LEKR1: variants seen among roughly 807,000 people sequenced by gnomAD.
LEKR1 encodes protein LEKR1.
LEKR1 carries 59 observed loss-of-function variants against 72.4 expected under a neutral mutation model. The observed-to-expected ratio is 0.82, with a 90% confidence interval of 0.66 to 1.01. LEKR1 has a LOEUF of 1.01. Ranked by LOEUF, LEKR1 falls within the 50% of genes least tolerant of loss-of-function variation. The pLI, the probability that LEKR1 is intolerant of heterozygous loss-of-function variation, is 0.00. For missense variants in LEKR1, 728 were observed against 759.2 expected (o/e 0.96, Z 0.48); for synonymous variants, 257 against 263.2 (o/e 0.98, Z 0.23).
At chr3:156,835,863 CTTTTTTTTTTTTTT>C (rs59061418) in intron 2 of LEKR1, among the ~76,000 whole-genome samples, 5 of 55,534 alleles carry the variant, frequency 9.0e-5, no homozygotes, top group Non-Finnish European at 1.6e-4. Flanking sequence ...CTCTGTCTCA[CTTTTTTTTTTTTTT>C]TTTTTTTTTT....
intron 3 of LEKR1, among the ~76,000 whole-genome samples, chr3:156,920,348 T>C (rs567378633): frequency 1.2e-4 from 19 of 152,294 alleles, no homozygotes; most frequent in African/African-American, 4.6e-4. Context: ...CTGCCTCTCT[T>C]CAATATTCTT....
rs759218320 is a variant in LEKR1, at chr3:157,028,136, C to T, written c.1402C>T (p.Leu468=). Residue 468 remains leucine (L), a synonymous_variant, in exon 12 of 13, where the codon CTA becomes TTA. Coordinates refer to ENST00000356539, the MANE Select transcript of LEKR1 (RefSeq NM_001004316.3). ...CTTAATCACAGGCGCTACAAGAGAT[C>T]TAAGGCAGGAAGTGACCACTCTTAA... ...SDLITGATRD[L]RQEVTTLKEK... is the part of the protein sequence containing the mutation. 5.6e-6 allele frequency: 9 copies of T among 1,602,242 alleles called. No homozygotes were observed. Among genetic ancestry groups the T allele is most frequent in the South Asian group, 4.5e-5 (4 of 88,856 alleles).
intron 3 of LEKR1, among the ~76,000 whole-genome samples, chr3:156,855,263 G>T (rs562582532): frequency 6.6e-6 from 1 of 152,192 alleles, no homozygotes; most frequent in African/African-American, 2.4e-5. Context: ...ACTTACATTT[G>T]GCCAATAGTT....
At chr3:157,004,468 A>C (rs1732259202) in intron 9 of LEKR1, among the ~76,000 whole-genome samples, 1 of 152,168 alleles carries the variant, frequency 6.6e-6, no homozygotes, top group Non-Finnish European at 1.5e-5. Context: ...GTAATCAATT[A>C]ACATAATTGA....
chr3:156,982,304 C>A (rs1412438478), intron 7 of LEKR1, among the ~76,000 whole-genome samples: 1 of 152,144 alleles, frequency 6.6e-6, no homozygotes, highest in Non-Finnish European at 1.5e-5. Context: ...TAAGTCAGGT[C>A]CCTATAATCG....
In LEKR1 at chr3:156,829,286, A is replaced by G. The variant is rs762836525; in HGVS notation, c.-44A>G. On this transcript the variant is annotated splice_region_variant and 5_prime_UTR_variant, in exon 2 of 13. Transcript: ENST00000356539. ...TGACTGTTGCCATCAATGTTCTTAG[A>G]TTTCCTTTGGCTTCAAAGCTCTCTC... is the stretch of plus-strand genomic sequence containing the variant. The G allele has an allele frequency of 3.3e-5, 41 of 1,253,134 alleles. No homozygotes were observed. Among genetic ancestry groups the G allele is most frequent in the Non-Finnish European group, 4.6e-5 (41 of 892,164 alleles). The allele number at this position is 1,253,134 out of a possible 1,614,324, so 77.6% of individuals were successfully genotyped here. A position where few individuals can be genotyped will look rare whatever the true frequency, so the allele number is the denominator to read the frequency against.
At chr3:156,837,449 C>A (rs924458534) in intron 2 of LEKR1, among the ~76,000 whole-genome samples, 1 of 152,160 alleles carries the variant, frequency 6.6e-6, no homozygotes, top group Admixed American at 6.5e-5. Context: ...GAGTCAAGCT[C>A]CCAAGGACGT....
intron 4 of LEKR1, among the ~76,000 whole-genome samples, 179 bp from the exon 5 acceptor site, chr3:156,927,250 A>C (rs1262698234): frequency 2.0e-5 from 3 of 151,944 alleles, no homozygotes; most frequent in Non-Finnish European, 4.4e-5. Flanking sequence ...ACTTCACTCT[A>C]TCTGAGATAT....
At chr3:157,018,912 T>G (rs1733596242) in intron 10 of LEKR1, among the ~76,000 whole-genome samples, 1 of 152,228 alleles carries the variant, frequency 6.6e-6, no homozygotes, top group Admixed American at 6.5e-5. Context: ...CACATAGTTC[T>G]TGACAGGATT....
At chr3:157,029,502 C>A (rs1734450021) in intron 12 of LEKR1, among the ~76,000 whole-genome samples, 1 of 151,954 alleles carries the variant, frequency 6.6e-6, no homozygotes, top group South Asian at 2.1e-4. Flanking sequence ...TTTGGGAAAC[C>A]CAGTTCTTAT....
At position 157,045,647 on chromosome 3, in the gene LEKR1, C is replaced by G. The variant is rs745750426; in HGVS notation, c.1976C>G (p.Pro659Arg). 6.2e-7 allele frequency: 1 copy of G among 1,614,066 alleles called. No homozygotes were observed. The highest frequency in any genetic ancestry group is 8.5e-7 in the Non-Finnish European group (1 of 1,180,016). ...DKPKRVRSGV[P>R]ILPQPHPPRG... ...CCGAAGAGGGTTAGATCAGGCGTGC[C>G]CATTCTCCCCCAGCCACATCCTCCC... Residue 659 changes from proline (P) to arginine (R), a missense_variant, in exon 13 of 13, where the codon CCC (proline) becomes CGC (arginine). Transcript: ENST00000356539.
chr3:156,843,478 A>G (rs1176679905), intron 2 of LEKR1, among the ~76,000 whole-genome samples: 1 of 152,102 alleles, frequency 6.6e-6, no homozygotes, highest in Non-Finnish European at 1.5e-5. Flanking sequence ...ACAAAAGTAA[A>G]AAAAAAGAGA....
At chr3:156,852,616 T>C (rs1186172424) in intron 2 of LEKR1, among the ~76,000 whole-genome samples, 152 bp from the exon 3 acceptor site, 1 of 152,186 alleles carries the variant, frequency 6.6e-6, no homozygotes, top group African/African-American at 2.4e-5. Context: ...TTTAAAATTT[T>C]TTATACAAGT....
intron 6 of LEKR1, among the ~76,000 whole-genome samples, chr3:156,978,409 CA>C (rs1729891502): frequency 6.6e-6 from 1 of 152,028 alleles, no homozygotes; most frequent in South Asian, 2.1e-4. Flanking sequence ...CTGGAGACAC[CA>C]ACCAGTCTAT....
intron 3 of LEKR1, among the ~76,000 whole-genome samples, chr3:156,871,545 G>A (rs9816954): frequency 6.6e-5 from 10 of 152,070 alleles, no homozygotes; most frequent in East Asian, 1.9e-4. Flanking sequence ...GACTTCCACA[G>A]TGGTTGAACT....
intron 5 of LEKR1, among the ~76,000 whole-genome samples, chr3:156,934,085 A>T (rs978563540): frequency 2.6e-5 from 4 of 152,220 alleles, no homozygotes; most frequent in African/African-American, 9.6e-5. Flanking sequence ...TGCTCTAGTT[A>T]AAGTTGTCTT....
intron 3 of LEKR1, among the ~76,000 whole-genome samples, chr3:156,914,150 T>TA (rs1454381632): frequency 1.3e-5 from 2 of 152,306 alleles, no homozygotes; most frequent in South Asian, 2.1e-4. Flanking sequence ...CTCAATTCTT[T>TA]AAAAAAATTT....
intron 12 of LEKR1, among the ~76,000 whole-genome samples, chr3:157,035,360 A>C (rs566591562): frequency 6.6e-6 from 1 of 152,148 alleles, no homozygotes; most frequent in Non-Finnish European, 1.5e-5. Flanking sequence ...ATGTCCTCCC[A>C]GTTCCCAAGA....
chr3:157,022,707 CAA>C (rs1005729694), intron 10 of LEKR1, among the ~76,000 whole-genome samples: 62 of 152,240 alleles, frequency 4.1e-4, no homozygotes, highest in African/African-American at 1.4e-3. Flanking sequence ...TACCAGGAGG[CAA>C]AGTGGATTTA....
Sources: allele counts gnomAD v4.1 joint callset (sites outside exome capture counted in the v4.1 genomes callset), GRCh38; gene constraint gnomAD v4.1.1; transcripts MANE v1.5; gene names NCBI Gene and HGNC (gene_info 2026-07-23, HGNC 2026-07-21).